NIM1K: variants seen among roughly 807,000 people sequenced by gnomAD.
The protein encoded by NIM1K is NIM1 serine/threonine protein kinase.
A neutral mutation model predicts 37.1 loss-of-function variants in NIM1K; 35 were observed. The ratio of observed to expected loss-of-function variants is 0.94; its 90% confidence interval spans 0.72 to 1.25. NIM1K has a LOEUF of 1.25. Among genes scored for constraint, NIM1K ranks in the 50% most tolerant of loss-of-function variants. NIM1K has a pLI of 0.00. For missense variants in NIM1K, 564 were observed against 548.0 expected (o/e 1.03, Z -0.29); for synonymous variants, 234 against 206.6 (o/e 1.13, Z -1.14).
intron 1 of NIM1K, among the ~76,000 whole-genome samples, chr5:43,213,371 C>G (rs976774008): frequency 3.4e-5 from 5 of 148,134 alleles, no homozygotes; most frequent in South Asian, 2.1e-4. Flanking sequence ...TCATTGTCAC[C>G]CAGGCTGGAG....
chr5:43,204,862 G>T (rs529714127), intron 1 of NIM1K, among the ~76,000 whole-genome samples: 4 of 152,146 alleles, frequency 2.6e-5, no homozygotes, highest in Non-Finnish European at 4.4e-5. Context: ...TGGGTGAGGT[G>T]GCGCTCGCCT....
chr5:43,244,229 C>T (rs531808483), intron 1 of NIM1K, among the ~76,000 whole-genome samples: 1 of 152,326 alleles, frequency 6.6e-6, no homozygotes, highest in South Asian at 2.1e-4. Context: ...GTTTGGAATG[C>T]TCAAGTCCAA....
chr5:43,232,104 T>C, intron 1 of NIM1K: 1 of 1,044,538 alleles, frequency 9.6e-7, no homozygotes, highest in Non-Finnish European at 1.4e-6. Flanking sequence ...GGCTGGCAGT[T>C]AATGCCAACC....
rs552764806 is a variant in NIM1K at position 43,261,072 on chromosome 5, C to T, written c.292+15005C>T. ...TGTGAATAGTGCCACAATAAACATA[C>T]GTGTGCATGTGTCTTTATAGCAGCA... On this transcript the variant is annotated intron_variant, in intron 2 of 3. Coordinates refer to ENST00000326035, the MANE Select transcript of NIM1K (RefSeq NM_153361.4). Among the ~76,000 whole-genome samples the T allele has an allele frequency of 4.5e-4, 69 of 152,228 alleles. 1 individual carries two copies. Among genetic ancestry groups the T allele is most frequent in the African/African-American group, 1.4e-3 (60 of 41,536 alleles).
intron 2 of NIM1K, among the ~76,000 whole-genome samples, chr5:43,265,471 G>T (rs1361673911): frequency 6.6e-6 from 1 of 152,138 alleles, no homozygotes; most frequent in Non-Finnish European, 1.5e-5. Context: ...GCTCCATCAG[G>T]TCATTTAAGG....
chr5:43,204,486 G>A (rs1377450816), intron 1 of NIM1K, among the ~76,000 whole-genome samples: 1 of 151,380 alleles, frequency 6.6e-6, no homozygotes, highest in Non-Finnish European at 1.5e-5. Context: ...TGGATCACCT[G>A]AGGTCAGGAG....
intron 3 of NIM1K, among the ~76,000 whole-genome samples, chr5:43,277,811 TGTGTGA>T (rs1173649714): frequency 7.8e-4 from 114 of 146,952 alleles, no homozygotes; most frequent in South Asian, 3.9e-3. Context: ...TGTGTGTGTG[TGTGTGA>T]GAGAGAGAGA....
chr5:43,252,984 T>C (rs1007300701), intron 2 of NIM1K, among the ~76,000 whole-genome samples: 1 of 150,398 alleles, frequency 6.6e-6, no homozygotes, highest in Admixed American at 6.6e-5. Flanking sequence ...CTTTTTTTTT[T>C]TTTTATCTTT....
At chr5:43,258,788 C>A (rs1426874094) in intron 2 of NIM1K, among the ~76,000 whole-genome samples, 1 of 151,806 alleles carries the variant, frequency 6.6e-6, no homozygotes, top group Non-Finnish European at 1.5e-5. Flanking sequence ...AATTTTTTTT[C>A]AATGACTTTT....
intron 1 of NIM1K, among the ~76,000 whole-genome samples, chr5:43,198,131 A>ATTTCTTTCTTTCTTTCTTTC (rs760219876): frequency 9.4e-6 from 1 of 105,940 alleles, no homozygotes; most frequent in East Asian, 2.8e-4. Flanking sequence ...GGCCAATATG[A>ATTTCTTTCTTTCTTTCTTTC]TTTCTTTCTT....
intron 2 of NIM1K, among the ~76,000 whole-genome samples, chr5:43,260,808 T>G (rs1444376157): frequency 1.3e-5 from 2 of 152,082 alleles, no homozygotes; most frequent in Non-Finnish European, 2.9e-5. Context: ...CCCCACCCTG[T>G]GTCCAGGTGT....
chr5:43,194,892 T>C (rs1452785457), intron 1 of NIM1K: 2 of 152,170 alleles, frequency 1.3e-5, no homozygotes, highest in East Asian at 1.9e-4. Context: ...GACAGACTTA[T>C]CATACATTTT....
Position 43,232,927 on chromosome 5 carries a change from G to T in NIM1K, c.-694-12155G>T. 4 of 1,158,574 alleles carry T rather than the reference G, an allele frequency of 3.5e-6. No individual in the cohort carries two copies. The East Asian group carries it at 7.0e-5, about 20-fold the overall frequency. The allele number at this position is 1,158,574 out of a possible 1,614,324, so 71.8% of individuals were successfully genotyped here. ...CTCAGGGTGGAAGAGCTGGTTGTAG[G>T]TGCCAGTGCAAACTTCATCATCAAT... On this transcript the variant is annotated intron_variant, in intron 1 of 3. Transcript: ENST00000326035.
Position 43,245,434 on chromosome 5 carries a change from A to G in NIM1K, c.-342A>G. On this transcript the variant is annotated 5_prime_UTR_variant, in exon 2 of 4. Transcript: ENST00000326035. ...GCACAGCCACCTACCACAAAGCATC[A>G]GACTCCACGTCTGGCCAGAAAGTTC... The G allele has an allele frequency of 5.1e-6, 1 of 197,670 alleles. No individual in the cohort carries two copies. Among genetic ancestry groups the G allele is most frequent in the Non-Finnish European group, 1.0e-5 (1 of 98,242 alleles). The allele number at this position is 197,670 out of a possible 1,614,324, so 12.2% of individuals were successfully genotyped here.
intron 3 of NIM1K, among the ~76,000 whole-genome samples, chr5:43,279,399 C>T (rs1220540898): frequency 6.6e-6 from 1 of 152,148 alleles, no homozygotes; most frequent in Non-Finnish European, 1.5e-5. Flanking sequence ...TCCAAGAGCC[C>T]TTGGGACTGA....
intron 2 of NIM1K, among the ~76,000 whole-genome samples, chr5:43,255,519 G>C (rs1364795516): frequency 6.6e-6 from 1 of 152,178 alleles, no homozygotes; most frequent in Non-Finnish European, 1.5e-5. Flanking sequence ...GGGAGGCCAA[G>C]GTGGGTGGAT....
At chr5:43,224,987 C>A (rs1366609042) in intron 1 of NIM1K, among the ~76,000 whole-genome samples, 5 of 152,130 alleles carry the variant, frequency 3.3e-5, no homozygotes, top group Non-Finnish European at 5.9e-5. Context: ...AGCCATTGCG[C>A]CTGGCCACAA....
chr5:43,249,144 A>G (rs1357319674), intron 2 of NIM1K, among the ~76,000 whole-genome samples: 1 of 151,758 alleles, frequency 6.6e-6, no homozygotes, highest in Admixed American at 6.6e-5. Context: ...ATCTAGGCTC[A>G]CTGCAAGCTC....
intron 1 of NIM1K, among the ~76,000 whole-genome samples, chr5:43,212,445 C>T (rs1752218573): frequency 6.6e-6 from 1 of 151,604 alleles, no homozygotes; most frequent in Non-Finnish European, 1.5e-5. Flanking sequence ...AAATAAATCC[C>T]TCCACAGTCT....
Sources: gnomAD v4.1 joint callset for allele counts (sites outside exome capture counted in the v4.1 genomes callset) on GRCh38, gnomAD v4.1.1 for gene constraint, MANE v1.5 for transcripts, NCBI Gene and HGNC (gene_info 2026-07-23, HGNC 2026-07-21) for gene names.